Variants in RARB observed in about 807,000 individuals in gnomAD.
RARB encodes the protein HBV-activated protein.
A neutral mutation model predicts 51.9 loss-of-function variants in RARB; 17 were observed. That is an observed-to-expected ratio of 0.33 (90% CI 0.22 to 0.49). RARB has a LOEUF of 0.49. RARB is among the 20% of genes least tolerant of loss of function. The pLI is 0.99. For missense variants in RARB, 369 were observed against 550.8 expected (o/e 0.67, Z 3.30); for synonymous variants, 215 against 195.4 (o/e 1.10, Z -0.84).
intron 5 of RARB, among the ~76,000 whole-genome samples, chr3:25,252,968 A>G (rs1228701738): frequency 6.6e-6 from 1 of 152,100 alleles, no homozygotes; most frequent in Non-Finnish European, 1.5e-5. Flanking sequence ...GGGGAGGGTA[A>G]TATGCACTCT....
chr3:25,587,388 T>G (rs113692336), intron 5 of RARB, among the ~76,000 whole-genome samples: 8,540 of 152,270 alleles, frequency 0.056, 425 homozygotes, highest in African/African-American at 0.14. Flanking sequence ...AAACAGTCTT[T>G]TAAAGACTTA....
chr3:24,935,803 A>G (rs1695536964), intron 2 of RARB, among the ~76,000 whole-genome samples: 1 of 152,134 alleles, frequency 6.6e-6, no homozygotes, highest in African/African-American at 2.4e-5. Context: ...ATCATAACTG[A>G]ATTGCAACAA....
intron 5 of RARB, among the ~76,000 whole-genome samples, chr3:25,356,681 C>T (rs1162114551): frequency 6.6e-6 from 1 of 152,084 alleles, no homozygotes; most frequent in Non-Finnish European, 1.5e-5. Flanking sequence ...CATTCCCTGA[C>T]AGGCCCTGAA....
intron 5 of RARB, among the ~76,000 whole-genome samples, chr3:25,314,584 C>T (rs1379468874): frequency 6.6e-6 from 1 of 152,218 alleles, no homozygotes. Context: ...TGGATTACTA[C>T]AGTCCATTCT....
At chr3:24,939,133 C>A (rs1382561745) in intron 2 of RARB, among the ~76,000 whole-genome samples, 1 of 152,078 alleles carries the variant, frequency 6.6e-6, no homozygotes, top group Non-Finnish European at 1.5e-5. Context: ...CAGGCGTGCA[C>A]CACGATATCT....
At chr3:24,900,453 G>T (rs989017348) in intron 2 of RARB, among the ~76,000 whole-genome samples, 2 of 152,160 alleles carry the variant, frequency 1.3e-5, no homozygotes, top group Non-Finnish European at 2.9e-5. Flanking sequence ...GCATTCATGA[G>T]TCTTCCTTGG....
At chr3:24,864,419 G>A (rs778402486) in intron 2 of RARB, among the ~76,000 whole-genome samples, 2 of 152,230 alleles carry the variant, frequency 1.3e-5, no homozygotes, top group Non-Finnish European at 2.9e-5. Context: ...TCCTTGCTTA[G>A]GCTCCATGTG....
chr3:25,171,735 A>G (rs2125351933), intron 4 of RARB, among the ~76,000 whole-genome samples: 1 of 150,448 alleles, frequency 6.6e-6, no homozygotes, highest in East Asian at 2.0e-4. Flanking sequence ...TTAATGAGGT[A>G]GTTTGTCAAA....
intron 1 of RARB, among the ~76,000 whole-genome samples, chr3:25,444,002 G>A (rs1048352145): frequency 1.3e-5 from 2 of 151,966 alleles, no homozygotes; most frequent in Admixed American, 6.6e-5. Flanking sequence ...TTTGAACCAC[G>A]GTTTGCTTCC....
At chr3:25,459,655 T>C in intron 1 of RARB, among the ~76,000 whole-genome samples, 1 of 152,154 alleles carries the variant, frequency 6.6e-6, no homozygotes, top group East Asian at 1.9e-4. Flanking sequence ...GGTAGCAGGA[T>C]AGTGATGTGG....
intron 4 of RARB, among the ~76,000 whole-genome samples, chr3:25,146,441 T>A (rs1375938377): frequency 6.6e-6 from 1 of 151,710 alleles, no homozygotes; most frequent in Non-Finnish European, 1.5e-5. Flanking sequence ...AAAATTAATT[T>A]GCAAAAACAC....
chr3:24,899,924 C>CT (rs5847324), intron 2 of RARB, among the ~76,000 whole-genome samples: 84,928 of 150,910 alleles, frequency 0.56, 24,640 homozygotes, highest in Non-Finnish European at 0.63. Flanking sequence ...ATTGGGATTT[C>CT]TTTTTTTTTG....
At chr3:25,016,417 C>A (rs1697510165) in intron 2 of RARB, among the ~76,000 whole-genome samples, 2 of 152,122 alleles carry the variant, frequency 1.3e-5, no homozygotes, top group Non-Finnish European at 2.9e-5. Context: ...CCTCTGGATG[C>A]CAGTAGCACC....
chr3:24,829,815 C>T (rs985053022), intron 1 of RARB, among the ~76,000 whole-genome samples: 2 of 152,226 alleles, frequency 1.3e-5, no homozygotes, highest in Admixed American at 1.3e-4. Flanking sequence ...CGGCTCCCTT[C>T]GCGTCCCTGC....
intron 5 of RARB, among the ~76,000 whole-genome samples, chr3:25,377,459 C>T (rs1339156529): frequency 1.3e-5 from 2 of 152,120 alleles, no homozygotes; most frequent in Non-Finnish European, 2.9e-5. Context: ...AGGTCAGATA[C>T]TTCTTTACAA....
chr3:25,510,441 C>G (rs1389918417), intron 3 of RARB, among the ~76,000 whole-genome samples: 1 of 152,016 alleles, frequency 6.6e-6, no homozygotes, highest in Non-Finnish European at 1.5e-5. Context: ...CTGGGCAACA[C>G]AGTGAAACCC....
intron 2 of RARB, among the ~76,000 whole-genome samples, chr3:25,056,476 G>A (rs1404903569): frequency 6.6e-6 from 1 of 152,038 alleles, no homozygotes; most frequent in East Asian, 1.9e-4. Flanking sequence ...ATATTGTTTG[G>A]ACAATTACAG....
intron 5 of RARB, among the ~76,000 whole-genome samples, chr3:25,240,512 C>A (rs1702405874): frequency 6.6e-6 from 1 of 151,900 alleles, no homozygotes; most frequent in African/African-American, 2.4e-5. Context: ...TCCTTCTATG[C>A]CTAGTTTGTT....
intron 5 of RARB, among the ~76,000 whole-genome samples, chr3:25,213,468 C>A (rs1301120947): frequency 6.6e-6 from 1 of 152,100 alleles, no homozygotes; most frequent in Non-Finnish European, 1.5e-5. Context: ...CATTCTATTG[C>A]TTTGACATTT....
Sources: gnomAD v4.1 joint callset for allele counts (sites outside exome capture counted in the v4.1 genomes callset) on GRCh38, gnomAD v4.1.1 for gene constraint, MANE v1.5 for transcripts, NCBI Gene and HGNC (gene_info 2026-07-23, HGNC 2026-07-21) for gene names.